Variants in MAF observed in about 807,000 individuals in gnomAD.
MAF encodes MAF bZIP transcription factor.
A neutral mutation model predicts 22.0 loss-of-function variants in MAF; 10 were observed. The ratio of observed to expected loss-of-function variants is 0.45; its 90% CI spans 0.28 to 0.77. The LOEUF (loss-of-function observed/expected upper bound fraction) is 0.77. Ranked by LOEUF, MAF falls within the 30% of genes least tolerant of loss-of-function variation. MAF has a pLI of 0.12. For missense variants in MAF, 544 were observed against 548.4 expected, an observed-to-expected ratio of 0.99 and a Z score of 0.08; for synonymous variants, 337 against 255.8, an observed-to-expected ratio of 1.32 and a Z score of -3.03.
At chr16:79,541,563 A>T in the MAF span, among the ~76,000 whole-genome samples, 1 of 152,028 alleles carries the variant, frequency 6.6e-6, no homozygotes, top group East Asian at 1.9e-4. Context: ...ACAATACGTA[A>T]TATGGCCAAG....
At chr16:79,366,813 T>G in the MAF span, among the ~76,000 whole-genome samples, 1 of 152,256 alleles carries the variant, frequency 6.6e-6, no homozygotes, top group Admixed American at 6.5e-5. Flanking sequence ...ATTTAAGCCC[T>G]TGAGATTGGG....
At chr16:79,411,537 T>C in the MAF span, among the ~76,000 whole-genome samples, 1 of 152,190 alleles carries the variant, frequency 6.6e-6, no homozygotes, top group Non-Finnish European at 1.5e-5. Context: ...AGGGGTCTGT[T>C]TGGGCTTCTT....
At chr16:79,373,658 G>A in the MAF span, among the ~76,000 whole-genome samples, 1 of 151,982 alleles carries the variant, frequency 6.6e-6, no homozygotes, top group South Asian at 2.1e-4. Context: ...GATTACAGGT[G>A]TGAGCCACCG....
At chr16:79,598,611 G>C (rs1006939314) in intron 1 of MAF, 174 bp downstream of exon 1, 18 of 1,068,344 alleles carry the variant, frequency 1.7e-5, no homozygotes, top group Non-Finnish European at 2.2e-5. Context: ...TGTGTGTGTG[G>C]TGTGTGCGTG....
chr16:79,310,217 C>T, the MAF span, among the ~76,000 whole-genome samples: 4 of 152,116 alleles, frequency 2.6e-5, no homozygotes, highest in African/African-American at 4.8e-5. Flanking sequence ...GGTGCACGCA[C>T]GGGAGCGCAA....
chr16:79,222,678 G>C, the MAF span, among the ~76,000 whole-genome samples: 1 of 152,056 alleles, frequency 6.6e-6, no homozygotes, highest in Non-Finnish European at 1.5e-5. Flanking sequence ...AGAGATACAG[G>C]AAGATTTACC....
chr16:79,477,321 AT>A, the MAF span, among the ~76,000 whole-genome samples: 1 of 152,168 alleles, frequency 6.6e-6, no homozygotes, highest in Non-Finnish European at 1.5e-5. Context: ...ATGGGCACAG[AT>A]TTGCTGAACA....
chr16:79,206,694 G>A, the MAF span: 1 of 152,282 alleles, frequency 6.6e-6, no homozygotes, highest in Non-Finnish European at 1.5e-5. Flanking sequence ...CATCATTTTG[G>A]TGGAAGTTGG....
chr16:79,227,330 G>A, the MAF span, among the ~76,000 whole-genome samples: 2 of 152,028 alleles, frequency 1.3e-5, no homozygotes, highest in Non-Finnish European at 2.9e-5. Context: ...TAGCCTGGGG[G>A]ACAGAAGGAT....
the MAF span, among the ~76,000 whole-genome samples, chr16:79,495,294 C>G: frequency 1.3e-5 from 2 of 151,920 alleles, no homozygotes; most frequent in Non-Finnish European, 2.9e-5. Flanking sequence ...AGACCCCATC[C>G]CTAAAAAAAC....
the MAF span, among the ~76,000 whole-genome samples, chr16:79,539,296 G>C: frequency 6.6e-6 from 1 of 152,208 alleles, no homozygotes; most frequent in African/African-American, 2.4e-5. Flanking sequence ...CTGAGGGCAG[G>C]AGTTTAAACC....
At chr16:79,589,722 G>A (rs1317829068), downstream of MAF, among the ~76,000 whole-genome samples, 2 of 152,164 alleles carry the variant, frequency 1.3e-5, no homozygotes, top group Non-Finnish European at 2.9e-5. Flanking sequence ...GATATCCCCC[G>A]GAGCTCGCTC....
chr16:79,494,160 A>G, the MAF span, among the ~76,000 whole-genome samples: 1 of 152,214 alleles, frequency 6.6e-6, no homozygotes, highest in Non-Finnish European at 1.5e-5. Flanking sequence ...CTTTGTGGTG[A>G]AAAGCAACAC....
the MAF span, among the ~76,000 whole-genome samples, chr16:79,241,181 G>A: frequency 1.3e-5 from 2 of 152,102 alleles, no homozygotes; most frequent in Non-Finnish European, 2.9e-5. Context: ...AAAACTGGAT[G>A]GAGAATGAGT....
At chr16:79,485,635 T>C in the MAF span, among the ~76,000 whole-genome samples, 1 of 152,194 alleles carries the variant, frequency 6.6e-6, no homozygotes, top group African/African-American at 2.4e-5. Context: ...AAGGTTTTTT[T>C]AAAAATATCT....
chr16:79,384,013 G>A, the MAF span, among the ~76,000 whole-genome samples: 1 of 152,194 alleles, frequency 6.6e-6, no homozygotes, highest in Admixed American at 6.5e-5. Flanking sequence ...CAGCAACCAG[G>A]TGTGACGTTA....
chr16:79,352,964 A>C, the MAF span, among the ~76,000 whole-genome samples: 3 of 152,206 alleles, frequency 2.0e-5, no homozygotes, highest in Non-Finnish European at 4.4e-5. Flanking sequence ...ATATGTCAGT[A>C]TAATTCAAAA....
the MAF span, among the ~76,000 whole-genome samples, chr16:79,457,182 T>C: frequency 7.2e-5 from 11 of 152,160 alleles, no homozygotes; most frequent in Non-Finnish European, 1.0e-4. Context: ...TGAAAAAATT[T>C]CCAAATTAGC....
At chr16:79,213,686 G>A in the MAF span, among the ~76,000 whole-genome samples, 1 of 150,734 alleles carries the variant, frequency 6.6e-6, no homozygotes, top group African/African-American at 2.5e-5. Context: ...CCGGCATCCA[G>A]CAGTTAGTTA....
Sources: allele counts gnomAD v4.1 joint callset (sites outside exome capture counted in the v4.1 genomes callset), GRCh38; gene constraint gnomAD v4.1.1; transcripts MANE v1.5; gene names NCBI Gene and HGNC (gene_info 2026-07-23, HGNC 2026-07-21).